The following GALNT13 variants were observed in gnomAD, a reference collection of about 807,000 sequenced individuals.
GALNT13 encodes the protein UDP-GalNAc:polypeptide N-acetylgalactosaminyltransferase 13.
In GALNT13, 28 loss-of-function variants were observed where a neutral mutation model predicts 64.2. That is an observed-to-expected ratio of 0.44 (90% CI 0.32 to 0.60). The LOEUF is 0.60. Among genes scored for constraint, GALNT13 ranks in the 20% least tolerant of loss-of-function variants. The pLI, the probability that GALNT13 is intolerant of heterozygous loss-of-function variation, is 0.05. For synonymous variants in GALNT13, 214 were observed against 224.6 expected (o/e 0.95, Z 0.42); for missense variants, 577 against 669.8 (o/e 0.86, Z 1.53).
chr2:154,280,819 C>G (rs952504916), intron 8 of GALNT13, among the ~76,000 whole-genome samples: 1 of 152,178 alleles, frequency 6.6e-6, no homozygotes, highest in South Asian at 2.1e-4. Context: ...GAAAGGCAGT[C>G]ACATCAGACA....
intron 3 of GALNT13, among the ~76,000 whole-genome samples, chr2:153,982,583 C>T (rs1694536395): frequency 6.6e-6 from 1 of 151,972 alleles, no homozygotes; most frequent in Non-Finnish European, 1.5e-5. Context: ...GTGTAGATAG[C>T]TCTCACCATT....
the GALNT13 span, among the ~76,000 whole-genome samples, chr2:153,752,007 G>A: frequency 6.6e-6 from 1 of 150,662 alleles, no homozygotes; most frequent in Non-Finnish European, 1.5e-5. Flanking sequence ...TATGTTTTTT[G>A]GTTTCAGGTT....
chr2:153,141,108 A>AGCCTTGACTCCAAGTTTC, the GALNT13 span, among the ~76,000 whole-genome samples: 22 of 147,626 alleles, frequency 1.5e-4, no homozygotes, highest in South Asian at 6.8e-4. Flanking sequence ...CATATGTAAA[A>AGCCTTGACTCCAAGTTTC]TCAGGAAATA....
intron 8 of GALNT13, 50 bp downstream of exon 8, chr2:154,259,188 C>T (rs768281900): frequency 1.0e-6 from 1 of 974,436 alleles, no homozygotes; most frequent in Non-Finnish European, 1.6e-6. Context: ...AATGCTGTAG[C>T]ATGCACATAC....
At chr2:153,302,213 T>A in the GALNT13 span, among the ~76,000 whole-genome samples, 10 of 152,310 alleles carry the variant, frequency 6.6e-5, no homozygotes, top group South Asian at 1.2e-3. Flanking sequence ...TCATCAATGT[T>A]ATCTTTTGTC....
intron 4 of GALNT13, among the ~76,000 whole-genome samples, chr2:154,169,073 A>G (rs1685200549): frequency 6.6e-6 from 1 of 151,590 alleles, no homozygotes; most frequent in Admixed American, 6.6e-5. Context: ...CCTTTTAACA[A>G]CCTGTTCTCT....
the GALNT13 span, among the ~76,000 whole-genome samples, chr2:153,362,878 G>C: frequency 1.3e-5 from 2 of 152,090 alleles, no homozygotes. Context: ...TCTGGATCAA[G>C]TCAACCTAAG....
At chr2:153,885,638 G>A (rs1427383796) in intron 1 of GALNT13, among the ~76,000 whole-genome samples, 5 of 151,976 alleles carry the variant, frequency 3.3e-5, no homozygotes, top group African/African-American at 4.8e-5. Context: ...GTTTTTAAAC[G>A]GTACCAGTTA....
the GALNT13 span, among the ~76,000 whole-genome samples, chr2:153,723,158 T>G: frequency 0.23 from 29,575 of 127,868 alleles, 4,232 homozygotes; most frequent in Middle Eastern, 0.4. Context: ...TATACGCAAA[T>G]CAATAAATGT....
the GALNT13 span, among the ~76,000 whole-genome samples, chr2:153,100,306 A>G: frequency 2.6e-5 from 4 of 152,224 alleles, no homozygotes; most frequent in Non-Finnish European, 5.9e-5. Flanking sequence ...ATAAATTGCT[A>G]TAGCTCTTTT....
intron 3 of GALNT13, among the ~76,000 whole-genome samples, chr2:154,079,599 A>G (rs1451297315): frequency 6.6e-6 from 1 of 151,472 alleles, no homozygotes; most frequent in African/African-American, 2.4e-5. Context: ...TACTTCTTTC[A>G]TCTTGTACCC....
At chr2:153,745,275 A>G in the GALNT13 span, among the ~76,000 whole-genome samples, 1 of 152,214 alleles carries the variant, frequency 6.6e-6, no homozygotes, top group Non-Finnish European at 1.5e-5. Context: ...ATGTACAAAA[A>G]AGAGCTGGTT....
At chr2:153,628,742 G>A in the GALNT13 span, among the ~76,000 whole-genome samples, 12 of 152,200 alleles carry the variant, frequency 7.9e-5, no homozygotes, top group South Asian at 4.2e-4. Context: ...GCTGGATTTC[G>A]TTTGCCAGTA....
At chr2:153,105,089 T>C in the GALNT13 span, among the ~76,000 whole-genome samples, 1 of 132,568 alleles carries the variant, frequency 7.5e-6, no homozygotes, top group East Asian at 2.4e-4. Flanking sequence ...CCTGTGTCCA[T>C]GTGTTCTCAT....
intron 3 of GALNT13, among the ~76,000 whole-genome samples, chr2:154,116,812 A>G (rs1681592309): frequency 6.6e-6 from 1 of 152,172 alleles, no homozygotes; most frequent in Non-Finnish European, 1.5e-5. Flanking sequence ...ACCATCCTTA[A>G]TATTCTGTTT....
At chr2:153,324,007 T>A in the GALNT13 span, among the ~76,000 whole-genome samples, 1 of 152,210 alleles carries the variant, frequency 6.6e-6, no homozygotes, top group African/African-American at 2.4e-5. Context: ...TTAAAGTAGT[T>A]TTTTTCTAAT....
At chr2:154,298,405 A>T (rs1295621339) in intron 8 of GALNT13, among the ~76,000 whole-genome samples, 1 of 138,830 alleles carries the variant, frequency 7.2e-6, no homozygotes, top group East Asian at 2.1e-4. Context: ...ATAAATATAT[A>T]ATTTATATAT....
chr2:153,424,779 A>T, the GALNT13 span, among the ~76,000 whole-genome samples: 10 of 151,992 alleles, frequency 6.6e-5, no homozygotes, highest in South Asian at 2.1e-3. Flanking sequence ...ATATGTGCAC[A>T]AGAAAACATA....
the GALNT13 span, among the ~76,000 whole-genome samples, chr2:153,187,220 A>C: frequency 6.6e-6 from 1 of 152,256 alleles, no homozygotes; most frequent in Non-Finnish European, 1.5e-5. Context: ...AATAGAGAAA[A>C]GAGAACACAG....
Sources: allele counts gnomAD v4.1 joint callset (sites outside exome capture counted in the v4.1 genomes callset), GRCh38; gene constraint gnomAD v4.1.1; transcripts MANE v1.5; gene names NCBI Gene and HGNC (gene_info 2026-07-23, HGNC 2026-07-21).